The following ARHGAP26 variants were observed in gnomAD, a reference collection of about 807,000 sequenced individuals.
The protein encoded by ARHGAP26 is rho GTPase-activating protein 26.
A neutral mutation model predicts 104.8 loss-of-function variants in ARHGAP26; 38 were observed. The ratio of observed to expected loss-of-function variants is 0.36; its 90% CI spans 0.28 to 0.48. The LOEUF is 0.48. Among genes scored for constraint, ARHGAP26 ranks in the 20% least tolerant of loss-of-function variants. The pLI, the probability that ARHGAP26 is intolerant of heterozygous loss-of-function variation, is 0.99. For synonymous variants in ARHGAP26, 341 were observed against 340.0 expected (o/e 1.00, Z -0.03); for missense variants, 704 against 947.9 (o/e 0.74, Z 3.38).
intron 11 of ARHGAP26, among the ~76,000 whole-genome samples, chr5:142,940,948 GCCTGTA>G (rs1328623864): frequency 6.6e-6 from 1 of 151,620 alleles, no homozygotes; most frequent in African/African-American, 2.4e-5. Flanking sequence ...GGTGGCGGGT[GCCTGTA>G]GTCCCAGCTA....
chr5:142,797,605 AGGT>A (rs547804021), intron 1 of ARHGAP26, among the ~76,000 whole-genome samples: 220 of 152,360 alleles, frequency 1.4e-3, no homozygotes, highest in African/African-American at 5.0e-3. Flanking sequence ...ATCAAAGAAC[AGGT>A]GGATGCTGAT....
intron 20 of ARHGAP26, among the ~76,000 whole-genome samples, chr5:143,196,744 A>G (rs988103706): frequency 2.0e-5 from 3 of 152,222 alleles, no homozygotes; most frequent in African/African-American, 7.2e-5. Context: ...GTAGACCTCA[A>G]ACAGACACTT....
intron 12 of ARHGAP26, among the ~76,000 whole-genome samples, chr5:143,026,825 A>C (rs1371472745): frequency 6.6e-6 from 1 of 151,754 alleles, no homozygotes; most frequent in Non-Finnish European, 1.5e-5. Flanking sequence ...GTGGGGGCAA[A>C]ATTGAAGCAG....
chr5:143,129,248 A>T (rs1282642407), intron 18 of ARHGAP26, among the ~76,000 whole-genome samples: 4 of 152,218 alleles, frequency 2.6e-5, no homozygotes, highest in Non-Finnish European at 5.9e-5. Context: ...CCTGACTGCA[A>T]ATAATCCATT....
chr5:142,866,507 A>G (rs1046717326), intron 1 of ARHGAP26, among the ~76,000 whole-genome samples: 16 of 152,220 alleles, frequency 1.1e-4, no homozygotes, highest in African/African-American at 3.9e-4. Context: ...TGTATATAAT[A>G]TATTCATAGT....
intron 11 of ARHGAP26, among the ~76,000 whole-genome samples, chr5:142,948,056 G>C (rs1767430611): frequency 6.6e-6 from 1 of 151,954 alleles, no homozygotes; most frequent in Admixed American, 6.6e-5. Context: ...TTTTTTGAAT[G>C]AATGGATTTA....
chr5:143,148,154 T>G (rs1008446784), intron 20 of ARHGAP26, among the ~76,000 whole-genome samples: 3 of 152,166 alleles, frequency 2.0e-5, no homozygotes, highest in African/African-American at 7.2e-5. Context: ...GCTACAGTTA[T>G]GTAAGACTCA....
At chr5:142,921,747 G>GT (rs1289926681) in intron 10 of ARHGAP26, 2 of 155,662 alleles carry the variant, frequency 1.3e-5, no homozygotes, top group African/African-American at 4.8e-5. Flanking sequence ...TGGGTAAGTG[G>GT]TTTAACCACA....
intron 11 of ARHGAP26, among the ~76,000 whole-genome samples, chr5:142,989,522 T>C (rs1424540569): frequency 1.3e-5 from 2 of 152,230 alleles, no homozygotes; most frequent in Admixed American, 6.5e-5. Context: ...ATCATGATGA[T>C]GTTAGCTGGT....
intron 17 of ARHGAP26, among the ~76,000 whole-genome samples, chr5:143,114,120 G>A (rs1795122204): frequency 6.6e-6 from 1 of 152,158 alleles, no homozygotes; most frequent in South Asian, 2.1e-4. Context: ...CCCACCATAA[G>A]CATTCAATTA....
chr5:143,136,232 A>G (rs1340092304), intron 19 of ARHGAP26, among the ~76,000 whole-genome samples: 3 of 152,236 alleles, frequency 2.0e-5, no homozygotes, highest in Non-Finnish European at 2.9e-5. Flanking sequence ...ATCTTTGTCC[A>G]AGATTAATTT....
chr5:143,037,028 A>G (rs746260112), intron 12 of ARHGAP26, among the ~76,000 whole-genome samples, 168 bp from the exon 13 acceptor site: 10 of 152,180 alleles, frequency 6.6e-5, no homozygotes, highest in Non-Finnish European at 1.3e-4. Context: ...CTCTCAATCA[A>G]TGCCAGCTAT....
At chr5:143,001,519 G>A (rs1370982) in intron 11 of ARHGAP26, among the ~76,000 whole-genome samples, 77,737 of 152,140 alleles carry the variant, frequency 0.51, 25,337 homozygotes, top group Non-Finnish European at 0.73. Context: ...TGGAGGTGAT[G>A]GGTATATGCA....
chr5:142,964,827 G>A (rs1045170938), intron 11 of ARHGAP26, among the ~76,000 whole-genome samples: 3 of 152,182 alleles, frequency 2.0e-5, no homozygotes, highest in Non-Finnish European at 4.4e-5. Flanking sequence ...CGACGAGAGA[G>A]TGTAGAAATA....
intron 18 of ARHGAP26, among the ~76,000 whole-genome samples, chr5:143,124,603 C>T (rs928576353): frequency 6.6e-6 from 1 of 152,168 alleles, no homozygotes; most frequent in Non-Finnish European, 1.5e-5. Context: ...GGTGCTGTCC[C>T]ATCATTCAGG....
intron 17 of ARHGAP26, among the ~76,000 whole-genome samples, chr5:143,117,018 G>A (rs1795547012): frequency 6.6e-6 from 1 of 152,224 alleles, no homozygotes; most frequent in African/African-American, 2.4e-5. Context: ...AAGGAAGCCT[G>A]TAGAATTGGC....
intron 21 of ARHGAP26, among the ~76,000 whole-genome samples, chr5:143,212,714 G>A (rs913975988): frequency 2.6e-5 from 4 of 152,204 alleles, no homozygotes; most frequent in Non-Finnish European, 4.4e-5. Flanking sequence ...CACTCTGCAC[G>A]ATGGAGACCA....
At chr5:142,854,848 G>A (rs559582769) in intron 1 of ARHGAP26, among the ~76,000 whole-genome samples, 10 of 152,248 alleles carry the variant, frequency 6.6e-5, no homozygotes, top group African/African-American at 2.2e-4. Flanking sequence ...TTGATGTTGG[G>A]ACTTTGTATT....
At chr5:143,081,204 G>A (rs1789763039) in intron 17 of ARHGAP26, among the ~76,000 whole-genome samples, 1 of 152,086 alleles carries the variant, frequency 6.6e-6, no homozygotes, top group Admixed American at 6.5e-5. Context: ...AGATCACTGA[G>A]GGCAGGTCTG....
Sources: gnomAD v4.1 joint callset for allele counts (sites outside exome capture counted in the v4.1 genomes callset) on GRCh38, gnomAD v4.1.1 for gene constraint, MANE v1.5 for transcripts, NCBI Gene and HGNC (gene_info 2026-07-23, HGNC 2026-07-21) for gene names.